The following SHPK variants were observed in gnomAD, a reference collection of about 807,000 sequenced individuals.
The protein encoded by SHPK is sedoheptulokinase, also known as carbohydrate kinase-like protein.
SHPK carries 51 observed loss-of-function variants against 46.3 expected under a neutral mutation model. The ratio of observed to expected loss-of-function variants is 1.10; its 90% CI spans 0.88 to 1.39. The LOEUF is 1.39. Ranked by LOEUF, SHPK falls within the 40% of genes most tolerant of loss-of-function variation. The pLI is 0.00. For synonymous variants in SHPK, 290 were observed against 273.9 expected, an observed-to-expected ratio of 1.06 and a Z score of -0.58; for missense variants, 668 against 641.3, an observed-to-expected ratio of 1.04 and a Z score of -0.45.
In SHPK at chr17:3,630,304, C is replaced by A. The variant is rs748544120; in HGVS notation, c.211G>T (p.Glu71Ter). 5.0e-6 allele frequency: 8 copies of A among 1,613,530 alleles called. No individual in the cohort carries two copies. Among genetic ancestry groups the A allele is most frequent in the Admixed American group, 1.7e-5 (1 of 60,018 alleles). ...DVSRILQALHECLAALPRPQL... is the reference protein window; with the variant it reads ...DVSRILQALH ...GGTCGGGGAAGGGCAGCAAGGCACT[C>A]GTGTAGGGCTTGGAGGATTCTACTC... is the stretch of plus-strand genomic sequence containing the variant. The change falls in exon 2 of 7, where the codon GAG becomes TAG. Residue 71 changes from glutamate (E) to a stop codon, truncating the protein, a stop_gained. Transcript: ENST00000225519. LOFTEE classifies it high-confidence loss of function.
chr17:3,621,062 T>G (rs1236944106), intron 5 of SHPK, among the ~76,000 whole-genome samples, 175 bp downstream of exon 5: 1 of 152,184 alleles, frequency 6.6e-6, no homozygotes, highest in Non-Finnish European at 1.5e-5. Context: ...GTAAGCTCCC[T>G]CAATAGAGGA....
At chr17:3,617,353 A>G (rs149226920) in intron 5 of SHPK, among the ~76,000 whole-genome samples, 1 of 152,204 alleles carries the variant, frequency 6.6e-6, no homozygotes, top group East Asian at 1.9e-4. Context: ...GAACTCCACA[A>G]CTTGTGTTGA....
At chr17:3,625,883 T>C (rs978113946) in intron 2 of SHPK, among the ~76,000 whole-genome samples, 7 of 152,110 alleles carry the variant, frequency 4.6e-5, no homozygotes, top group Admixed American at 3.9e-4. Flanking sequence ...CGAAACCCCA[T>C]CTCTACAAAA....
intron 2 of SHPK, among the ~76,000 whole-genome samples, chr17:3,625,459 C>T (rs1042471713): frequency 4.6e-5 from 7 of 152,126 alleles, no homozygotes; most frequent in African/African-American, 9.7e-5. Context: ...GCGACTACGC[C>T]GAGGCCGCCA....
intron 5 of SHPK, among the ~76,000 whole-genome samples, chr17:3,620,664 C>A (rs963636884): frequency 7.9e-5 from 12 of 152,030 alleles, no homozygotes; most frequent in African/African-American, 2.9e-4. Context: ...CGGGTTCAAG[C>A]GATTCTCTGC....
chr17:3,624,271 A>C, intron 2 of SHPK, 40 bp from the exon 3 acceptor site: 1 of 1,570,850 alleles, frequency 6.4e-7, no homozygotes, highest in Non-Finnish European at 8.7e-7. Flanking sequence ...GAAAAGAGCA[A>C]ATGACTAGGC....
At chr17:3,611,022 C>A in intron 6 of SHPK, 50 bp from the exon 7 acceptor site, 1 of 1,513,728 alleles carries the variant, frequency 6.6e-7, no homozygotes, top group Non-Finnish European at 9.0e-7. Context: ...CCCCTCAGTG[C>A]AGGCTGACAT....
chr17:3,628,389 C>T (rs2075450950), intron 2 of SHPK, among the ~76,000 whole-genome samples: 1 of 150,672 alleles, frequency 6.6e-6, no homozygotes, highest in Non-Finnish European at 1.5e-5. Flanking sequence ...GTGGCGCGAT[C>T]TCGGCTCACT....
At chr17:3,626,005 A>G (rs958281250) in intron 2 of SHPK, among the ~76,000 whole-genome samples, 1 of 152,152 alleles carries the variant, frequency 6.6e-6, no homozygotes, top group Non-Finnish European at 1.5e-5. Flanking sequence ...GTGAGCTGAG[A>G]TCGCACCACT....
At position 3,609,495 on chromosome 17, in the gene SHPK, C is replaced by T. The variant is rs1337752998; in HGVS notation, c.*1065G>A. 1 of 152,160 alleles carries T rather than the reference C, an allele frequency of 6.6e-6. No individual in the cohort carries two copies. 9.4% of individuals were successfully genotyped at this position (152,160 alleles called of 1,614,324 possible). A position where few individuals can be genotyped will look rare whatever the true frequency, so the allele number is the denominator to read the frequency against. On this transcript the variant is annotated 3_prime_UTR_variant, in exon 7 of 7. Coordinates refer to ENST00000225519, the MANE Select transcript of SHPK (RefSeq NM_013276.4). Reference sequence around the variant, plus strand: ...ACCCCACAGCCATCCCTACCAATCACAAGAAGGCTTACAACGCTCTGGGAT... The same window carrying T: ...ACCCCACAGCCATCCCTACCAATCATAAGAAGGCTTACAACGCTCTGGGAT...
chr17:3,615,586 G>A (rs750292051), intron 5 of SHPK, 49 bp from the exon 6 acceptor site: 5 of 1,541,802 alleles, frequency 3.2e-6, no homozygotes, highest in East Asian at 2.3e-5. Flanking sequence ...TAACTCAGAG[G>A]TCACAAGTCA....
At chr17:3,616,074 G>A (rs565197791) in intron 5 of SHPK, among the ~76,000 whole-genome samples, 145 of 151,988 alleles carry the variant, frequency 9.5e-4, no homozygotes, top group African/African-American at 2.8e-3. Flanking sequence ...GGATGGTCTC[G>A]AACTCCTGAC....
At position 3,614,262 on chromosome 17, in the gene SHPK, C is replaced by T. The variant is rs564970512; in HGVS notation, c.1024+1075G>A. 2.5e-4 allele frequency among the ~76,000 whole-genome samples: 38 copies of T among 152,110 alleles called. 2 individuals carry two copies. In the South Asian group the frequency reaches 7.1e-3, roughly 28 times the overall value. ...ACATCAGGGCGAGCGCAGTGGCTCACGCCTGTAATCCCAGCACTTTTGGAG... is the reference window on the plus strand; with the variant it reads ...ACATCAGGGCGAGCGCAGTGGCTCATGCCTGTAATCCCAGCACTTTTGGAG... On this transcript the variant is annotated intron_variant, in intron 6 of 6. Transcript: ENST00000225519.
intron 6 of SHPK, among the ~76,000 whole-genome samples, chr17:3,613,427 G>C (rs1212790036): frequency 6.6e-6 from 1 of 152,116 alleles, no homozygotes; most frequent in African/African-American, 2.4e-5. Context: ...CAGGTGCAGT[G>C]GTATTATTTC....
rs549905332 is a variant in SHPK, at chr17:3,623,771, A to C, written c.494+277T>G. Among the ~76,000 whole-genome samples, 4 of 152,326 alleles carry C rather than the reference A, an allele frequency of 2.6e-5. No individual in the cohort carries two copies. In the South Asian group the frequency reaches 8.3e-4, roughly 32 times the overall value. ...CTCCTCAGCAGCCTCGCAGGCCTGA[A>C]CACACTGCGAACTCTCCCCGTGACC... is the stretch of plus-strand genomic sequence containing the variant. On this transcript the variant is annotated intron_variant, in intron 3 of 6. Transcript: ENST00000225519.
At chr17:3,615,594 TCA>T (rs1437794186) in intron 5 of SHPK, 57 bp from the exon 6 acceptor site, 1 of 1,527,430 alleles carries the variant, frequency 6.5e-7, no homozygotes, top group South Asian at 1.1e-5. Flanking sequence ...AGGTCACAAG[TCA>T]CAGTTTGGCA....
chr17:3,621,619 C>T (rs188600406), intron 4 of SHPK, among the ~76,000 whole-genome samples: 2 of 112,296 alleles, frequency 1.8e-5, no homozygotes, highest in African/African-American at 3.3e-5. Context: ...CTCCCTCCCT[C>T]CCTTCCTTCC....
intron 4 of SHPK, chr17:3,622,617 C>T (rs2075409499): frequency 1.0e-6 from 1 of 984,042 alleles, no homozygotes; most frequent in African/African-American, 1.7e-5. Flanking sequence ...ACTTACAGGG[C>T]ACTGGACTTC....
chr17:3,610,530 C>G lies in SHPK; in HGVS notation c.*30G>C. ...AGGAATGTTAATCAGGTAAAATTCACAGCAGTCGTTTGGCGAAAGAGTTTG... is the reference window on the plus strand; with the variant it reads ...AGGAATGTTAATCAGGTAAAATTCAGAGCAGTCGTTTGGCGAAAGAGTTTG... On this transcript the variant is annotated 3_prime_UTR_variant, in exon 7 of 7. Transcript: ENST00000225519. The G allele has an allele frequency of 6.4e-7, 1 of 1,566,512 alleles. No homozygotes were observed. Among genetic ancestry groups the G allele is most frequent in the African/African-American group, 1.3e-5 (1 of 74,390 alleles).
Sources: gnomAD v4.1 joint callset for allele counts (sites outside exome capture counted in the v4.1 genomes callset) on GRCh38, gnomAD v4.1.1 for gene constraint, MANE v1.5 for transcripts, NCBI Gene and HGNC (gene_info 2026-07-23, HGNC 2026-07-21) for gene names.